The following PDZRN4 variants were observed in gnomAD, a reference collection of about 807,000 sequenced individuals.
PDZRN4 encodes PDZ domain containing ring finger 4.
PDZRN4 carries 70 observed loss-of-function variants against 99.0 expected under a neutral mutation model. The observed-to-expected ratio is 0.71, with a 90% CI of 0.58 to 0.86. The LOEUF (loss-of-function observed/expected upper bound fraction) is 0.86, where lower values mean the gene tolerates loss of function less well. Ranked by LOEUF, PDZRN4 falls within the 40% of genes least tolerant of loss-of-function variation. The pLI, the probability that PDZRN4 is intolerant of heterozygous loss-of-function variation, is 0.00. For missense variants in PDZRN4, 1,474 were observed against 1,331.2 expected (o/e 1.11, Z -1.67); for synonymous variants, 551 against 501.6 (o/e 1.10, Z -1.32).
At chr12:41,367,789 A>C (rs993766062) in intron 3 of PDZRN4, among the ~76,000 whole-genome samples, 3 of 152,068 alleles carry the variant, frequency 2.0e-5, no homozygotes, top group Non-Finnish European at 4.4e-5. Flanking sequence ...TATGAATTAA[A>C]TTAATTATAA....
chr12:41,573,371 G>C lies in PDZRN4; in HGVS notation c.2592G>C (p.Glu864Asp). ...MQLIQQKSAV[E>D]YAQSQLSLVS... The stretch of plus-strand genomic sequence containing the variant: ...TAATTCAACAGAAATCTGCAGTCGA[G>C]TATGCTCAGAGTCAGCTCAGCTTGG... The change falls in exon 10 of 10, where the codon GAG (glutamate) becomes GAC (aspartate). Residue 864 changes from glutamate to aspartate, a missense_variant. Coordinates refer to ENST00000402685, the MANE Select transcript of PDZRN4 (RefSeq NM_001164595.2). The C allele has an allele frequency of 6.2e-7, 1 of 1,613,394 alleles. No individual in the cohort carries two copies. Among genetic ancestry groups the C allele is most frequent in the South Asian group, 1.1e-5 (1 of 91,072 alleles).
At chr12:41,468,709 GTTAGAATAACCT>G (rs1952954645) in intron 3 of PDZRN4, among the ~76,000 whole-genome samples, 1 of 152,138 alleles carries the variant, frequency 6.6e-6, no homozygotes, top group Admixed American at 6.6e-5. Context: ...ACTTACACTT[GTTAGAATAACCT>G]TCGCATACAT....
chr12:41,569,088 C>T (rs1939429944), intron 9 of PDZRN4, among the ~76,000 whole-genome samples: 2 of 150,804 alleles, frequency 1.3e-5, no homozygotes, highest in Admixed American at 1.3e-4. Context: ...AGGCATGAGC[C>T]ACCGTGCCCT....
intron 5 of PDZRN4, among the ~76,000 whole-genome samples, chr12:41,524,601 A>G (rs1291320336): frequency 1.3e-5 from 2 of 152,164 alleles, no homozygotes; most frequent in Admixed American, 6.6e-5. Context: ...AATGGTGTTT[A>G]TAGAAGACAG....
intron 3 of PDZRN4, among the ~76,000 whole-genome samples, chr12:41,456,234 A>C (rs929268319): frequency 3.3e-5 from 5 of 152,218 alleles, no homozygotes; most frequent in African/African-American, 1.2e-4. Flanking sequence ...AGAACACTGC[A>C]TCCTGATAGC....
intron 3 of PDZRN4, among the ~76,000 whole-genome samples, chr12:41,258,111 G>C (rs560275634): frequency 6.6e-6 from 1 of 152,144 alleles, no homozygotes; most frequent in Non-Finnish European, 1.5e-5. Context: ...TAACTTCTGA[G>C]GGTTACTCCA....
intron 3 of PDZRN4, chr12:41,412,604 G>A (rs1465471928): frequency 1.3e-5 from 2 of 151,988 alleles, no homozygotes. Flanking sequence ...TTAACTCCAG[G>A]GAAAACAAGA....
chr12:41,315,441 T>A (rs997454710), intron 3 of PDZRN4, among the ~76,000 whole-genome samples: 7 of 152,162 alleles, frequency 4.6e-5, no homozygotes, highest in African/African-American at 1.7e-4. Context: ...ATGAAAGGTA[T>A]GAGAGCACAT....
intron 3 of PDZRN4, among the ~76,000 whole-genome samples, chr12:41,220,561 A>G (rs2120723276): frequency 2.0e-5 from 3 of 152,278 alleles, no homozygotes; most frequent in Admixed American, 2.0e-4. Context: ...CAGTAACATG[A>G]TTTTAAAATA....
At chr12:41,264,054 G>C (rs979706289) in intron 3 of PDZRN4, among the ~76,000 whole-genome samples, 1 of 152,056 alleles carries the variant, frequency 6.6e-6, no homozygotes, top group African/African-American at 2.4e-5. Flanking sequence ...TTAACAATAT[G>C]TGCAGACTTA....
At chr12:41,422,579 A>T (rs1010939787) in intron 3 of PDZRN4, among the ~76,000 whole-genome samples, 2 of 152,146 alleles carry the variant, frequency 1.3e-5, no homozygotes, top group Non-Finnish European at 2.9e-5. Context: ...GACCTTCTTC[A>T]CATGGTGACA....
At chr12:41,408,839 C>T (rs542718518) in intron 3 of PDZRN4, among the ~76,000 whole-genome samples, 3 of 151,882 alleles carry the variant, frequency 2.0e-5, no homozygotes, top group Non-Finnish European at 4.4e-5. Context: ...CTCTCTCGCA[C>T]TCTCTTGCTC....
chr12:41,352,653 C>A (rs1437244910), intron 3 of PDZRN4, among the ~76,000 whole-genome samples: 2 of 152,072 alleles, frequency 1.3e-5, no homozygotes, highest in African/African-American at 4.8e-5. Flanking sequence ...TTTTTTTCTG[C>A]ACTTTTCTTT....
intron 3 of PDZRN4, among the ~76,000 whole-genome samples, chr12:41,469,521 TTTC>T (rs1313211415): frequency 1.3e-5 from 2 of 152,210 alleles, no homozygotes; most frequent in African/African-American, 4.8e-5. Flanking sequence ...TTTTTGAGGT[TTTC>T]TTTTAATTTT....
intron 3 of PDZRN4, among the ~76,000 whole-genome samples, chr12:41,338,177 A>G (rs1232680143): frequency 1.3e-5 from 2 of 152,148 alleles, no homozygotes; most frequent in African/African-American, 4.8e-5. Context: ...CGACTATAGT[A>G]TATAATTTTG....
chr12:41,274,335 T>C (rs906001737), intron 3 of PDZRN4, among the ~76,000 whole-genome samples: 3 of 152,166 alleles, frequency 2.0e-5, no homozygotes, highest in Non-Finnish European at 2.9e-5. Context: ...TAATAAATCT[T>C]TCAAAATTTA....
intron 3 of PDZRN4, among the ~76,000 whole-genome samples, chr12:41,456,713 A>C (rs1389680542): frequency 6.6e-6 from 1 of 152,210 alleles, no homozygotes; most frequent in Non-Finnish European, 1.5e-5. Context: ...ATGAATGGTC[A>C]CTGGATCACC....
rs34600941 is a variant in PDZRN4 at position 41,516,770 on chromosome 12, CTT to C, written c.1203+6869_1203+6870del. ...ATGTATGGCTCATTATGAATAGCAGCTTTTTTTTTTTTTACTTTCGAAAGTAT... is the reference window on the plus strand; with the variant it reads ...ATGTATGGCTCATTATGAATAGCAGCTTTTTTTTTTTACTTTCGAAAGTAT... On this transcript the variant is annotated intron_variant, in intron 5 of 9. Transcript: ENST00000402685. Among the ~76,000 whole-genome samples, 241 of 143,938 alleles carry C rather than the reference CTT, an allele frequency of 1.7e-3. 1 individual carries two copies. Among genetic ancestry groups the C allele is most frequent in the South Asian group, 2.6e-3 (12 of 4,542 alleles). The allele number at this position is 143,938 out of a possible 152,430, so 94.4% of individuals were successfully genotyped here. A position where few individuals can be genotyped will look rare whatever the true frequency, so the allele number is the denominator to read the frequency against.
intron 3 of PDZRN4, among the ~76,000 whole-genome samples, chr12:41,464,123 A>C (rs376683767): frequency 2.6e-5 from 4 of 152,154 alleles, no homozygotes; most frequent in Non-Finnish European, 4.4e-5. Flanking sequence ...TCCACACTCT[A>C]TAACACCAGC....
Sources: allele counts gnomAD v4.1 joint callset (sites outside exome capture counted in the v4.1 genomes callset), GRCh38; gene constraint gnomAD v4.1.1; transcripts MANE v1.5; gene names NCBI Gene and HGNC (gene_info 2026-07-23, HGNC 2026-07-21).